Variants in SLC24A2 observed in about 807,000 individuals in gnomAD.
The protein encoded by SLC24A2 is sodium/potassium/calcium exchanger 2.
A neutral mutation model predicts 62.0 loss-of-function variants in SLC24A2; 36 were observed. The ratio of observed to expected loss-of-function variants is 0.58; its 90% CI spans 0.44 to 0.77. The LOEUF is 0.77. Ranked by LOEUF, SLC24A2 falls within the 30% of genes least tolerant of loss-of-function variation. The pLI, the probability that SLC24A2 is intolerant of heterozygous loss-of-function variation, is 0.00. For missense variants in SLC24A2, 846 were observed against 817.9 expected, an observed-to-expected ratio of 1.03 and a Z score of -0.42; for synonymous variants, 358 against 294.0, an observed-to-expected ratio of 1.22 and a Z score of -2.23.
chr9:19,724,912 C>T (rs370428814), intron 2 of SLC24A2, among the ~76,000 whole-genome samples: 4 of 152,168 alleles, frequency 2.6e-5, no homozygotes, highest in East Asian at 3.9e-4. Context: ...ATCCAAAATC[C>T]TACACAACCT....
the SLC24A2 span, among the ~76,000 whole-genome samples, chr9:19,938,024 T>C: frequency 6.6e-6 from 1 of 152,158 alleles, no homozygotes; most frequent in Non-Finnish European, 1.5e-5. Flanking sequence ...AATAACAATA[T>C]TGCATTTATT....
chr9:19,652,900 T>C (rs1035089576), intron 2 of SLC24A2, among the ~76,000 whole-genome samples: 1 of 151,794 alleles, frequency 6.6e-6, no homozygotes, highest in Non-Finnish European at 1.5e-5. Context: ...ACTGTGATTA[T>C]GTGAGCAGAA....
chr9:19,973,601 C>T, the SLC24A2 span, among the ~76,000 whole-genome samples: 2 of 152,098 alleles, frequency 1.3e-5, no homozygotes, highest in African/African-American at 4.8e-5. Flanking sequence ...GAATTTTGTC[C>T]TCATTTGTAA....
chr9:20,239,168 G>T, the SLC24A2 span, among the ~76,000 whole-genome samples: 1 of 152,194 alleles, frequency 6.6e-6, no homozygotes, highest in South Asian at 2.1e-4. Context: ...AGCTCACTTG[G>T]TCCTGTAAGT....
At chr9:19,975,043 G>C in the SLC24A2 span, among the ~76,000 whole-genome samples, 1 of 152,012 alleles carries the variant, frequency 6.6e-6, no homozygotes, top group Non-Finnish European at 1.5e-5. Context: ...AGTTTTTGTT[G>C]GCTAAAACTG....
the SLC24A2 span, among the ~76,000 whole-genome samples, chr9:20,268,987 T>C: frequency 2.0e-5 from 3 of 152,222 alleles, no homozygotes; most frequent in Non-Finnish European, 2.9e-5. Flanking sequence ...CTTTTGCAGC[T>C]AAGGATTTTT....
the SLC24A2 span, among the ~76,000 whole-genome samples, chr9:19,937,928 G>A: frequency 1.1e-4 from 17 of 152,056 alleles, no homozygotes; most frequent in Non-Finnish European, 1.8e-4. Flanking sequence ...ATTGTGGTTT[G>A]CTTATTACAA....
chr9:20,085,130 G>A, the SLC24A2 span, among the ~76,000 whole-genome samples: 3 of 152,076 alleles, frequency 2.0e-5, no homozygotes, highest in Non-Finnish European at 4.4e-5. Context: ...AGAGTAGCTG[G>A]GACTACAGGA....
the SLC24A2 span, among the ~76,000 whole-genome samples, chr9:20,067,015 C>G: frequency 1.6e-4 from 24 of 152,244 alleles, no homozygotes; most frequent in Non-Finnish European, 1.6e-4. Flanking sequence ...AAAGTGATAA[C>G]AGGAAAATGT....
At chr9:19,531,213 T>G (rs1833692881) in intron 8 of SLC24A2, among the ~76,000 whole-genome samples, 1 of 152,232 alleles carries the variant, frequency 6.6e-6, no homozygotes, top group Non-Finnish European at 1.5e-5. Flanking sequence ...CATTTCCATT[T>G]TCACACCCCA....
At chr9:19,745,284 T>G (rs551656102) in intron 2 of SLC24A2, among the ~76,000 whole-genome samples, 2 of 152,294 alleles carry the variant, frequency 1.3e-5, no homozygotes, top group South Asian at 2.1e-4. Context: ...ATGAGCCAAT[T>G]AAACCTCTTT....
At chr9:20,229,071 C>A in the SLC24A2 span, among the ~76,000 whole-genome samples, 1 of 152,108 alleles carries the variant, frequency 6.6e-6, no homozygotes, top group African/African-American at 2.4e-5. Flanking sequence ...TGCCTTGTAA[C>A]CCCCAGAGTG....
intron 2 of SLC24A2, among the ~76,000 whole-genome samples, chr9:19,731,121 A>G (rs914781489): frequency 5.3e-5 from 8 of 152,194 alleles, no homozygotes; most frequent in Non-Finnish European, 1.2e-4. Flanking sequence ...AATTCTTCTC[A>G]TTTATATATT....
chr9:19,716,628 A>G (rs1015227396), intron 2 of SLC24A2, among the ~76,000 whole-genome samples: 19 of 152,166 alleles, frequency 1.2e-4, no homozygotes, highest in African/African-American at 4.6e-4. Flanking sequence ...TCATATCTTA[A>G]GAGACTGCTG....
the SLC24A2 span, among the ~76,000 whole-genome samples, chr9:19,804,893 A>G: frequency 6.6e-6 from 1 of 152,184 alleles, no homozygotes; most frequent in African/African-American, 2.4e-5. Context: ...ATGATCATGT[A>G]GCATTTCTCC....
chr9:20,099,142 C>T, the SLC24A2 span, among the ~76,000 whole-genome samples: 1 of 152,198 alleles, frequency 6.6e-6, no homozygotes, highest in African/African-American at 2.4e-5. Flanking sequence ...ATGATAATAA[C>T]ATGGCATAGG....
chr9:19,605,161 G>A (rs1196122430), intron 4 of SLC24A2, among the ~76,000 whole-genome samples: 1 of 152,214 alleles, frequency 6.6e-6, no homozygotes, highest in East Asian at 1.9e-4. Flanking sequence ...GGAGGAGCTA[G>A]GGCATGCCAT....
chr9:19,817,616 G>T, the SLC24A2 span, among the ~76,000 whole-genome samples: 1 of 152,002 alleles, frequency 6.6e-6, no homozygotes, highest in African/African-American at 2.4e-5. Context: ...GAAACTTTTT[G>T]CCTCTTCTAC....
At chr9:19,610,879 T>C (rs1033329649) in intron 4 of SLC24A2, among the ~76,000 whole-genome samples, 4 of 152,242 alleles carry the variant, frequency 2.6e-5, no homozygotes, top group African/African-American at 4.8e-5. Context: ...TTAGCAAATA[T>C]GTACTGGGGC....
Sources: allele counts gnomAD v4.1 joint callset (sites outside exome capture counted in the v4.1 genomes callset), GRCh38; gene constraint gnomAD v4.1.1; transcripts MANE v1.5; gene names NCBI Gene and HGNC (gene_info 2026-07-23, HGNC 2026-07-21).